Variants in HIBADH observed in about 807,000 individuals in gnomAD.
HIBADH encodes the protein 3-hydroxyisobutyrate dehydrogenase.
HIBADH carries 25 observed loss-of-function variants against 36.1 expected under a neutral mutation model. That is an observed-to-expected ratio of 0.69 (90% CI 0.50 to 0.97). The LOEUF (loss-of-function observed/expected upper bound fraction) is 0.97, where lower values mean the gene tolerates loss of function less well. Ranked by LOEUF, HIBADH falls within the 50% of genes least tolerant of loss-of-function variation. The pLI, the probability that HIBADH is intolerant of heterozygous loss-of-function variation, is 0.00. For missense variants in HIBADH, 421 were observed against 418.0 expected (o/e 1.01, Z -0.06); for synonymous variants, 160 against 149.5 (o/e 1.07, Z -0.51).
At chr7:27,545,196 T>G (rs1468401029) in intron 4 of HIBADH, among the ~76,000 whole-genome samples, 2 of 152,156 alleles carry the variant, frequency 1.3e-5, no homozygotes, top group Non-Finnish European at 2.9e-5. Context: ...ATCCCAGCAC[T>G]TTGGGAGGTT....
chr7:27,538,833 T>C (rs1226425583), intron 5 of HIBADH, among the ~76,000 whole-genome samples: 3 of 151,992 alleles, frequency 2.0e-5, no homozygotes, highest in African/African-American at 7.2e-5. Flanking sequence ...ACAAGACCAC[T>C]GAAGGCAGGA....
At chr7:27,566,388 T>C (rs1429464342) in intron 4 of HIBADH, among the ~76,000 whole-genome samples, 1 of 152,002 alleles carries the variant, frequency 6.6e-6, no homozygotes. Flanking sequence ...AAAAAAATGG[T>C]CCATTTCATT....
At chr7:27,660,731 G>T (rs1462346298) in intron 1 of HIBADH, among the ~76,000 whole-genome samples, 4 of 151,810 alleles carry the variant, frequency 2.6e-5, no homozygotes, top group African/African-American at 4.8e-5. Flanking sequence ...CATCACAAAA[G>T]AACTATTTAA....
intron 4 of HIBADH, among the ~76,000 whole-genome samples, chr7:27,616,632 T>TCCCC (rs1314523680): frequency 2.0e-5 from 3 of 152,136 alleles, no homozygotes; most frequent in Non-Finnish European, 4.4e-5. Flanking sequence ...CAACTGATTT[T>TCCCC]TCTATTTTTT....
At position 27,538,387 on chromosome 7, in the gene HIBADH, C is replaced by G; in HGVS notation, c.649G>C (p.Ala217Pro). Residue 217 changes from alanine (A) to proline (P), a missense_variant, in exon 6 of 8, where the codon GCT becomes CCT. Physicochemically the swap from Ala to Pro is conservative, Grantham distance 27. Coordinates refer to ENST00000265395, the MANE Select transcript of HIBADH (RefSeq NM_152740.4). ...AAKICNNMLL[A>P]ISMIGTAEAM... ...TCAGCAGTTCCAATCATACTAATAG[C>G]TAACAGCATGTTGTTGCAGATCTTT... is the stretch of plus-strand genomic sequence containing the variant. The G allele has an allele frequency of 1.2e-6, 2 of 1,613,164 alleles. No individual in the cohort carries two copies. Among genetic ancestry groups the G allele is most frequent in the Non-Finnish European group, 1.7e-6 (2 of 1,179,536 alleles).
chr7:27,571,593 C>T (rs1562625936), intron 4 of HIBADH, among the ~76,000 whole-genome samples: 1 of 152,150 alleles, frequency 6.6e-6, no homozygotes, highest in Admixed American at 6.5e-5. Flanking sequence ...TCAGTATCTA[C>T]AGTTCGTAGA....
intron 2 of HIBADH, 151 bp from the exon 3 acceptor site, chr7:27,632,596 A>T: frequency 1.8e-6 from 1 of 568,400 alleles, no homozygotes. Context: ...AAAAAAAAAA[A>T]AAGCTTACTG....
chr7:27,622,185 C>T (rs1266244044), intron 4 of HIBADH, among the ~76,000 whole-genome samples: 1 of 152,108 alleles, frequency 6.6e-6, no homozygotes, highest in Non-Finnish European at 1.5e-5. Context: ...GTTGAGGCTG[C>T]AGTGAGCTGT....
chr7:27,588,313 A>C (rs1209940169), intron 4 of HIBADH, among the ~76,000 whole-genome samples: 1 of 152,082 alleles, frequency 6.6e-6, no homozygotes, highest in Non-Finnish European at 1.5e-5. Context: ...AAGTTTTGGT[A>C]AACAGTTTTT....
At chr7:27,655,256 A>T (rs1786277460) in intron 1 of HIBADH, among the ~76,000 whole-genome samples, 1 of 152,326 alleles carries the variant, frequency 6.6e-6, no homozygotes, top group East Asian at 1.9e-4. Flanking sequence ...TTTGAATGCA[A>T]ATTGTACATT....
At chr7:27,612,749 C>A (rs889296458) in intron 4 of HIBADH, among the ~76,000 whole-genome samples, 2 of 150,950 alleles carry the variant, frequency 1.3e-5, no homozygotes, top group Non-Finnish European at 3.0e-5. Flanking sequence ...GCCTGGGCAG[C>A]ACAGCCAGAC....
intron 4 of HIBADH, among the ~76,000 whole-genome samples, chr7:27,581,160 C>T (rs927762974): frequency 3.9e-5 from 6 of 152,226 alleles, no homozygotes; most frequent in Non-Finnish European, 7.4e-5. Context: ...TAAGGGCCAA[C>T]TTGGGATTAG....
intron 2 of HIBADH, among the ~76,000 whole-genome samples, chr7:27,641,569 G>T (rs1785962027): frequency 6.6e-6 from 1 of 152,086 alleles, no homozygotes; most frequent in African/African-American, 2.4e-5. Flanking sequence ...GTAATAGAAT[G>T]AAATTCATTT....
intron 4 of HIBADH, among the ~76,000 whole-genome samples, chr7:27,554,763 A>G (rs1784366884): frequency 6.6e-6 from 1 of 152,218 alleles, no homozygotes; most frequent in African/African-American, 2.4e-5. Context: ...GGGACAGCAG[A>G]AAACTAAAGA....
chr7:27,560,504 G>A (rs1784448679), intron 4 of HIBADH, among the ~76,000 whole-genome samples: 1 of 152,146 alleles, frequency 6.6e-6, no homozygotes, highest in South Asian at 2.1e-4. Flanking sequence ...ATTGTATAGT[G>A]GTGAAGTCTG....
At chr7:27,612,139 A>T (rs1158652101) in intron 4 of HIBADH, among the ~76,000 whole-genome samples, 6 of 152,198 alleles carry the variant, frequency 3.9e-5, no homozygotes, top group Admixed American at 3.3e-4. Flanking sequence ...ACTGGAAAAT[A>T]AGGCAAGTCC....
chr7:27,598,030 T>A (rs189005889), intron 4 of HIBADH, among the ~76,000 whole-genome samples: 1 of 152,216 alleles, frequency 6.6e-6, no homozygotes, highest in Non-Finnish European at 1.5e-5. Context: ...TAGAATCTCC[T>A]ACTTGTTTTT....
chr7:27,624,925 CAG>C (rs959053422), intron 4 of HIBADH, among the ~76,000 whole-genome samples: 3 of 152,122 alleles, frequency 2.0e-5, no homozygotes, highest in Non-Finnish European at 4.4e-5. Flanking sequence ...ACTGGAAAAA[CAG>C]AGACTAAAAA....
chr7:27,609,829 A>T (rs890237245), intron 4 of HIBADH, among the ~76,000 whole-genome samples: 1 of 151,904 alleles, frequency 6.6e-6, no homozygotes, highest in African/African-American at 2.4e-5. Flanking sequence ...TTATTTATTT[A>T]TTTTTTGAGA....
Sources: allele counts gnomAD v4.1 joint callset (sites outside exome capture counted in the v4.1 genomes callset), GRCh38; gene constraint gnomAD v4.1.1; transcripts MANE v1.5; gene names NCBI Gene and HGNC (gene_info 2026-07-23, HGNC 2026-07-21).